SIRT1: variants seen among roughly 807,000 people sequenced by gnomAD.
SIRT1 encodes NAD-dependent protein deacetylase sirtuin-1.
In SIRT1, 24 loss-of-function variants were observed where a neutral mutation model predicts 67.9. That is an observed-to-expected ratio of 0.35 (90% CI 0.26 to 0.50). The LOEUF (loss-of-function observed/expected upper bound fraction) is 0.50, where lower values mean the gene tolerates loss of function less well. Ranked by LOEUF, SIRT1 falls within the 20% of genes least tolerant of loss-of-function variation. The probability of loss-of-function intolerance (pLI) is 0.98; values close to 1 mark genes in which losing one functional copy is unlikely to be tolerated. For synonymous variants in SIRT1, 378 were observed against 350.7 expected (o/e 1.08, Z -0.87); for missense variants, 873 against 937.2 (o/e 0.93, Z 0.89).
At position 67,887,498 on chromosome 10, in the gene SIRT1, C is replaced by G; in HGVS notation, c.512C>G (p.Ala171Gly). Residue 171 changes from alanine to glycine, a missense_variant, in exon 2 of 9, where the codon GCA (alanine) becomes GGA (glycine). Coordinates refer to ENST00000212015, the MANE Select transcript of SIRT1 (RefSeq NM_012238.5). ...GATGAGGAGGATAGAGCCTCACATG[C>G]AAGCTCTAGTGACTGGACTCCAAGG... ...ESDEEDRASH[A>G]SSSDWTPRPR... 5 of 1,613,038 alleles carry G rather than the reference C, an allele frequency of 3.1e-6. No individual in the cohort carries two copies. The highest frequency in any genetic ancestry group is 4.2e-6 in the Non-Finnish European group (5 of 1,179,062).
At position 67,917,317 on chromosome 10, in the gene SIRT1, G is replaced by C. The variant is rs977636215; in HGVS notation, c.*724G>C. 6 of 152,554 alleles carry C rather than the reference G, an allele frequency of 3.9e-5. No homozygotes were observed. Among genetic ancestry groups the C allele is most frequent in the Admixed American group, 3.9e-4 (6 of 15,276 alleles). 9.5% of individuals were successfully genotyped at this position (152,554 alleles called of 1,614,324 possible). On this transcript the variant is annotated 3_prime_UTR_variant, in exon 9 of 9. Coordinates refer to ENST00000212015, the MANE Select transcript of SIRT1 (RefSeq NM_012238.5). ...TGGACATGTAGCAATGTCTATATTG[G>C]CTCATAAAACTAACCTGAAAAACAA...
At chr10:67,887,356 G>A in intron 1 of SIRT1, 61 bp from the exon 2 acceptor site, 7 of 1,031,386 alleles carry the variant, frequency 6.8e-6, no homozygotes, top group South Asian at 5.2e-5. Context: ...CTCTATAACC[G>A]TTCATACATT....
intron 4 of SIRT1, among the ~76,000 whole-genome samples, chr10:67,892,596 T>G (rs1842590718): frequency 6.6e-6 from 1 of 150,466 alleles, no homozygotes; most frequent in Non-Finnish European, 1.5e-5. Context: ...TTTTGAAGTT[T>G]ACTTTTTTTT....
At chr10:67,913,072 A>C (rs200552106) in intron 8 of SIRT1, 41 bp downstream of exon 8, 5 of 1,542,764 alleles carry the variant, frequency 3.2e-6, no homozygotes, top group Non-Finnish European at 4.3e-6. Context: ...TATAAATGTC[A>C]TAACAGTATT....
chr10:67,887,567 A>T (rs768430915), intron 2 of SIRT1, 34 bp downstream of exon 2: 1 of 1,435,542 alleles, frequency 7.0e-7, no homozygotes, highest in Admixed American at 1.8e-5. Context: ...TAGAGAGTAA[A>T]TGTACGGTTT....
intron 4 of SIRT1, among the ~76,000 whole-genome samples, chr10:67,905,712 C>T (rs190041270): frequency 4.6e-5 from 7 of 152,298 alleles, no homozygotes; most frequent in African/African-American, 7.2e-5. Context: ...ATGGACATCT[C>T]TATATACATA....
intron 4 of SIRT1, among the ~76,000 whole-genome samples, chr10:67,895,225 G>T (rs1010974918): frequency 6.6e-6 from 1 of 152,046 alleles, no homozygotes; most frequent in African/African-American, 2.4e-5. Context: ...TTCAAGACCA[G>T]CCTGGCCAAC....
At chr10:67,896,664 A>G (rs1007612880) in intron 4 of SIRT1, among the ~76,000 whole-genome samples, 2 of 150,768 alleles carry the variant, frequency 1.3e-5, no homozygotes, top group African/African-American at 4.9e-5. Flanking sequence ...GTGTGGTGAC[A>G]CACATGAGAA....
chr10:67,902,432 A>C (rs182254912), intron 4 of SIRT1, among the ~76,000 whole-genome samples: 64 of 152,354 alleles, frequency 4.2e-4, no homozygotes, highest in African/African-American at 1.5e-3. Context: ...ATGACACTTG[A>C]ACATTATATA....
At chr10:67,915,851 C>T (rs2131895063) in intron 8 of SIRT1, among the ~76,000 whole-genome samples, 1 of 152,252 alleles carries the variant, frequency 6.6e-6, no homozygotes, top group East Asian at 1.9e-4. Context: ...ACATTTTTCA[C>T]ACTTCCCTCC....
intron 4 of SIRT1, among the ~76,000 whole-genome samples, chr10:67,897,555 G>A (rs1315415069): frequency 2.5e-4 from 38 of 151,994 alleles, no homozygotes. Flanking sequence ...GTAGAGACGG[G>A]GTTTCACCAT....
chr10:67,896,350 G>A (rs937697045), intron 4 of SIRT1, among the ~76,000 whole-genome samples: 1 of 152,112 alleles, frequency 6.6e-6, no homozygotes, highest in African/African-American at 2.4e-5. Flanking sequence ...TCACTATGTT[G>A]TCCAGGCTGG....
At chr10:67,893,661 C>G (rs1016539726) in intron 4 of SIRT1, among the ~76,000 whole-genome samples, 4 of 151,694 alleles carry the variant, frequency 2.6e-5, no homozygotes, top group Non-Finnish European at 5.9e-5. Context: ...TCTCCTGCCT[C>G]AGCCTTCCGA....
At position 67,889,843 on chromosome 10, in the gene SIRT1, A is replaced by C. The variant is rs1842541011; in HGVS notation, c.789+720A>C. 2.0e-5 allele frequency among the ~76,000 whole-genome samples: 3 copies of C among 152,230 alleles called. No homozygotes were observed. The South Asian group carries it at 6.2e-4, about 31-fold the overall frequency. On this transcript the variant is annotated intron_variant, in intron 3 of 8. Coordinates refer to ENST00000212015, the MANE Select transcript of SIRT1 (RefSeq NM_012238.5). ...TTTAACTTAAATTGACCTTGACTCC[A>C]GGTCAAATTGGAGTCAACTCTGGTA...
chr10:67,885,475 G>C, intron 1 of SIRT1: 1 of 1,048,202 alleles, frequency 9.5e-7, no homozygotes, highest in Non-Finnish European at 1.2e-6. Context: ...GCTTTTGTTA[G>C]AGCTTTTTTT....
At chr10:67,901,222 C>T (rs929220702) in intron 4 of SIRT1, among the ~76,000 whole-genome samples, 3 of 151,758 alleles carry the variant, frequency 2.0e-5, no homozygotes, top group African/African-American at 7.3e-5. Flanking sequence ...AACCTCTGTT[C>T]CCTGGCCTCA....
chr10:67,888,768 A>T, intron 2 of SIRT1, 114 bp from the exon 3 acceptor site: 1 of 1,185,384 alleles, frequency 8.4e-7, no homozygotes, highest in Non-Finnish European at 1.2e-6. Flanking sequence ...ATTAAATTGC[A>T]TTTTCTTACT....
At chr10:67,894,248 G>T (rs944213819) in intron 4 of SIRT1, among the ~76,000 whole-genome samples, 1 of 152,122 alleles carries the variant, frequency 6.6e-6, no homozygotes, top group Non-Finnish European at 1.5e-5. Flanking sequence ...AGGCTATCAA[G>T]AGAATTTTTA....
intron 1 of SIRT1, among the ~76,000 whole-genome samples, chr10:67,886,158 GTCTTGATT>G (rs1457942674): frequency 6.6e-6 from 1 of 151,874 alleles, no homozygotes; most frequent in Non-Finnish European, 1.5e-5. Context: ...GGCCAGGATG[GTCTTGATT>G]TCTTGACTTC....
Sources: gnomAD v4.1 joint callset for allele counts (sites outside exome capture counted in the v4.1 genomes callset) on GRCh38, gnomAD v4.1.1 for gene constraint, MANE v1.5 for transcripts, NCBI Gene and HGNC (gene_info 2026-07-23, HGNC 2026-07-21) for gene names.